Variants in PROM1 observed in about 807,000 individuals in gnomAD.
PROM1 encodes the protein prominin-1.
PROM1 carries 105 observed loss-of-function variants against 116.9 expected under a neutral mutation model. That is an observed-to-expected ratio of 0.90 (90% CI 0.77 to 1.06). PROM1 has a LOEUF of 1.06. Among genes scored for constraint, PROM1 ranks in the 50% least tolerant of loss-of-function variants. The probability of loss-of-function intolerance (pLI) is 0.00; values close to 1 mark genes in which losing one functional copy is unlikely to be tolerated. For missense variants in PROM1, 1,122 were observed against 1,045.2 expected, an observed-to-expected ratio of 1.07 and a Z score of -1.01; for synonymous variants, 393 against 387.0, an observed-to-expected ratio of 1.02 and a Z score of -0.18.
At chr4:15,971,897 T>C (rs1368214466) in intron 26 of PROM1, 2 of 152,244 alleles carry the variant, frequency 1.3e-5, no homozygotes, top group Non-Finnish European at 2.9e-5. Context: ...CTTCTTGCAC[T>C]ACCTTTTATG....
intron 10 of PROM1, 148 bp from the exon 11 acceptor site, chr4:16,013,486 C>T (rs549994673): frequency 4.9e-5 from 29 of 596,618 alleles, no homozygotes; most frequent in African/African-American, 4.8e-4. Context: ...ATATGGTCAT[C>T]AAGAGTCTAA....
chr4:15,998,591 C>T, intron 14 of PROM1, 103 bp from the exon 15 acceptor site: 1 of 1,219,694 alleles, frequency 8.2e-7, no homozygotes, highest in Non-Finnish European at 1.1e-6. Context: ...GGAAATTTTT[C>T]ATAACATTAT....
At position 16,044,841 on chromosome 4, in the gene PROM1, G is replaced by A. The variant is rs901103371; in HGVS notation, c.221-5840C>T. ...AGACAAAATTCCTGAGGGGACAGGG[G>A]GAAGTAGGCAAACCAAGTAGAACTG... On this transcript the variant is annotated intron_variant, in intron 2 of 27. Coordinates refer to ENST00000447510, the MANE Select transcript of PROM1 (RefSeq NM_006017.3). Among the ~76,000 whole-genome samples, 7 of 152,206 alleles carry A rather than the reference G, an allele frequency of 4.6e-5. No individual in the cohort carries two copies. In the East Asian group the frequency reaches 1.2e-3, roughly 25 times the overall value.
Position 16,025,315 on chromosome 4 carries a change from G to T in PROM1, c.510-3C>A. ...CAAAACCATAGAAGATGCCAATGCT[G>T]CAGGAAAAGGCAGAGAGAAGAAAGA... is the stretch of plus-strand genomic sequence containing the variant. On this transcript the variant is annotated splice_polypyrimidine_tract_variant and splice_region_variant and intron_variant, in intron 5 of 27. Transcript: ENST00000447510. 2 of 1,613,492 alleles carry T rather than the reference G, an allele frequency of 1.2e-6. No homozygotes were observed. The highest frequency in any genetic ancestry group is 1.1e-5 in the South Asian group (1 of 91,076).
intron 5 of PROM1, among the ~76,000 whole-genome samples, chr4:16,025,687 G>C (rs1290618513): frequency 6.6e-6 from 1 of 151,094 alleles, no homozygotes; most frequent in African/African-American, 2.5e-5. Context: ...CCTCCTGTGT[G>C]AACATATGCA....
At position 15,980,538 on chromosome 4, in the gene PROM1, C is replaced by A; in HGVS notation, c.2374-1G>T. ...TTCCTATGCCAAACCAAAACAAATT[C>A]TAGGAAAAAAAAATCAGAAGAATTA... On this transcript the variant is annotated splice_acceptor_variant, in intron 23 of 27. Transcript: ENST00000447510. LOFTEE classifies it high-confidence loss of function. The A allele has an allele frequency of 1.3e-6, 2 of 1,485,316 alleles. No individual in the cohort carries two copies. The highest frequency in any genetic ancestry group is 1.3e-5 in the South Asian group (1 of 79,596). The allele number at this position is 1,485,316 out of a possible 1,614,324, so 92.0% of individuals were successfully genotyped here.
intron 26 of PROM1, among the ~76,000 whole-genome samples, chr4:15,974,678 C>G (rs778636418): frequency 5.3e-5 from 8 of 151,980 alleles, no homozygotes; most frequent in African/African-American, 1.9e-4. Context: ...GTTGTGTTGC[C>G]CAGGCTGGTT....
intron 4 of PROM1, among the ~76,000 whole-genome samples, chr4:16,035,108 C>T (rs1733671506): frequency 6.6e-6 from 1 of 152,108 alleles, no homozygotes; most frequent in South Asian, 2.1e-4. Flanking sequence ...CAAGTATGTG[C>T]TCACGCTTAA....
chr4:16,075,026 C>T (rs1388862892), intron 2 of PROM1, among the ~76,000 whole-genome samples: 1 of 152,176 alleles, frequency 6.6e-6, no homozygotes, highest in Non-Finnish European at 1.5e-5. Flanking sequence ...CTTTCATAAT[C>T]CCTTTTCTAT....
intron 11 of PROM1, among the ~76,000 whole-genome samples, chr4:16,010,016 A>C (rs1475248296): frequency 6.6e-6 from 1 of 152,076 alleles, no homozygotes; most frequent in East Asian, 1.9e-4. Context: ...ACAAACAGAA[A>C]AACACAAGTG....
Position 16,075,931 on chromosome 4 carries a change from A to T in PROM1, c.-25T>A, listed in dbSNP as rs149845694. The stretch of plus-strand genomic sequence containing the variant: ...TAGCTAGCAAGATCCTCCAAACATG[A>T]GGTAGAACTTGGTGCCTCCTGCCTC... On this transcript the variant is annotated 5_prime_UTR_variant, in exon 2 of 28. Coordinates refer to ENST00000447510, the MANE Select transcript of PROM1 (RefSeq NM_006017.3). 5,293 of 1,578,096 alleles carry T rather than the reference A, an allele frequency of 3.4e-3. 26 individuals carry two copies. Among genetic ancestry groups the T allele is most frequent in the Middle Eastern group, 0.014 (79 of 5,504 alleles).
intron 16 of PROM1, among the ~76,000 whole-genome samples, chr4:15,993,182 T>C (rs961083255): frequency 1.3e-5 from 2 of 152,242 alleles, no homozygotes; most frequent in African/African-American, 2.4e-5. Flanking sequence ...CATGGCCTCA[T>C]GGTAACTCTA....
intron 17 of PROM1, 134 bp downstream of exon 17, chr4:15,992,106 TCAATGCCA>T: frequency 9.7e-7 from 1 of 1,031,856 alleles, no homozygotes. Context: ...GTGAATGTAC[TCAATGCCA>T]CCGAATTGCT....
Position 15,986,050 on chromosome 4 carries a change from G to C in PROM1, c.2131-13C>G. 1 of 1,534,026 alleles carries C rather than the reference G, an allele frequency of 6.5e-7. No homozygotes were observed. Among genetic ancestry groups the C allele is most frequent in the Non-Finnish European group, 8.9e-7 (1 of 1,121,410 alleles). ...TAGTTACTCTCTCCTGAAAGACACA[G>C]CCACAGTTATCAGGGTATCAAGTCA... On this transcript the variant is annotated splice_polypyrimidine_tract_variant and intron_variant, in intron 20 of 27. Transcript: ENST00000447510.
chr4:16,016,052 G>T, intron 10 of PROM1, 114 bp downstream of exon 10: 1 of 942,568 alleles, frequency 1.1e-6, no homozygotes, highest in Non-Finnish European at 1.6e-6. Flanking sequence ...CACCCTTCTT[G>T]GCAACCTTTC....
chr4:16,060,853 A>C (rs532647550), intron 2 of PROM1, among the ~76,000 whole-genome samples: 4 of 152,344 alleles, frequency 2.6e-5, no homozygotes, highest in African/African-American at 7.2e-5. Flanking sequence ...GCAAATATTG[A>C]ACACGAAAGC....
intron 2 of PROM1, among the ~76,000 whole-genome samples, chr4:16,069,159 C>T (rs1321449098): frequency 3.3e-5 from 5 of 152,158 alleles, no homozygotes; most frequent in Admixed American, 6.5e-5. Flanking sequence ...CACTTGAACC[C>T]GGGAGGCAGA....
chr4:15,988,542 G>A (rs1468504098), intron 19 of PROM1, among the ~76,000 whole-genome samples: 4 of 152,170 alleles, frequency 2.6e-5, no homozygotes, highest in African/African-American at 9.7e-5. Flanking sequence ...AAAAACTGCT[G>A]GTAGGCTGAA....
intron 3 of PROM1, among the ~76,000 whole-genome samples, chr4:16,038,331 A>T (rs898486241): frequency 6.6e-6 from 1 of 152,220 alleles, no homozygotes; most frequent in Non-Finnish European, 1.5e-5. Flanking sequence ...TTAATGAGGG[A>T]GTTCTCATCC....
Sources: allele counts gnomAD v4.1 joint callset (sites outside exome capture counted in the v4.1 genomes callset), GRCh38; gene constraint gnomAD v4.1.1; transcripts MANE v1.5; gene names NCBI Gene and HGNC (gene_info 2026-07-23, HGNC 2026-07-21).